Variants in DOT1L observed in about 807,000 individuals in gnomAD.
DOT1L encodes DOT1 like histone lysine methyltransferase.
A neutral mutation model predicts 153.3 loss-of-function variants in DOT1L; 33 were observed. The observed-to-expected ratio is 0.22, with a 90% CI of 0.16 to 0.29. The LOEUF (loss-of-function observed/expected upper bound fraction) is 0.29, where lower values mean the gene tolerates loss of function less well. Among genes scored for constraint, DOT1L ranks in the 10% least tolerant of loss-of-function variants. The pLI is 1.00. For missense variants in DOT1L, 1,847 were observed against 2,119.9 expected (o/e 0.87, Z 2.53); for synonymous variants, 1,135 against 965.1 (o/e 1.18, Z -3.26).
chr19:2,219,205 G>T (rs1459734912), intron 22 of DOT1L, among the ~76,000 whole-genome samples: 1 of 152,176 alleles, frequency 6.6e-6, no homozygotes, highest in Non-Finnish European at 1.5e-5. Context: ...TGGAGGTTTT[G>T]CCCTGTTGGC....
rs1163747184 is a variant in DOT1L at position 2,220,945 on chromosome 19, G to A, written c.2806+723G>A. ...AATCCCAGCACCTTGGGATGCCGAG[G>A]TGGGCGGATCACCTGAGGACAGGAG... On this transcript the variant is annotated intron_variant, in intron 23 of 27. Coordinates refer to ENST00000398665, the MANE Select transcript of DOT1L (RefSeq NM_032482.3). This position sits in a 1 kb window ranked among gnomAD's most constrained non-coding sequence, Gnocchi z 4.5. 12 of 224,852 alleles carry A rather than the reference G, an allele frequency of 5.3e-5. No homozygotes were observed. The South Asian group carries it at 6.8e-4, about 13-fold the overall frequency. 13.9% of individuals were successfully genotyped at this position (224,852 alleles called of 1,614,324 possible). A position where few individuals can be genotyped will look rare whatever the true frequency, so the allele number is the denominator to read the frequency against.
chr19:2,222,193 C>T lies in DOT1L; in HGVS notation c.3024C>T (p.Ser1008=), dbSNP rs370581078. 2.5e-5 allele frequency: 41 copies of T among 1,612,976 alleles called. No homozygotes were observed. Among genetic ancestry groups the T allele is most frequent in the Non-Finnish European group, 3.5e-5 (41 of 1,179,852 alleles). The change falls in exon 24 of 28, where the codon TCC becomes TCT. Residue 1008 remains serine, a synonymous_variant. Coordinates refer to ENST00000398665, the MANE Select transcript of DOT1L (RefSeq NM_032482.3). The surrounding 1 kb of genome is among the most constrained non-coding windows in gnomAD (Gnocchi z 6.5). ...CCTCTCCCGCCCACCAGCTCTCCTC[C>T]AGTCCCCGGCTTGGTGGGGCCGCCC... The part of the protein sequence containing the change: ...LPASPAHQLS[S]SPRLGGAAQG...
At chr19:2,167,093 C>A (rs963717220) in intron 1 of DOT1L, among the ~76,000 whole-genome samples, 1 of 152,166 alleles carries the variant, frequency 6.6e-6, no homozygotes, top group African/African-American at 2.4e-5. Context: ...GACGTGTTTG[C>A]CTGTGGGTCA....
chr19:2,211,518 G>T (rs913840780), intron 15 of DOT1L, among the ~76,000 whole-genome samples: 8 of 152,340 alleles, frequency 5.3e-5, no homozygotes, highest in African/African-American at 1.4e-4. Context: ...GGGCCTTGCA[G>T]TGCCCAGGAT....
chr19:2,199,763 C>G, intron 7 of DOT1L, 121 bp from the exon 8 acceptor site: 1 of 1,367,688 alleles, frequency 7.3e-7, no homozygotes, highest in Non-Finnish European at 1.0e-6. Flanking sequence ...GCCTGGGCCT[C>G]CTCCTGCTCC....
rs138614914 is a variant in DOT1L, at chr19:2,211,555, C to T, written c.1466-196C>T. Reference sequence around the variant, plus strand: ...GCCCCACGCGGTGAACACTTGGCTGCGCAGGGGTCAGAGGGCCTGAGTGCT... The same window carrying T: ...GCCCCACGCGGTGAACACTTGGCTGTGCAGGGGTCAGAGGGCCTGAGTGCT... On this transcript the variant is annotated intron_variant, in intron 15 of 27. Transcript: ENST00000398665. Among the ~76,000 whole-genome samples the T allele has an allele frequency of 8.7e-3, 1,326 of 152,270 alleles. 18 individuals carry two copies. Among genetic ancestry groups the T allele is most frequent in the Middle Eastern group, 0.024 (7 of 294 alleles).
chr19:2,215,163 T>G (rs1369575738), intron 19 of DOT1L, among the ~76,000 whole-genome samples: 2 of 151,924 alleles, frequency 1.3e-5, no homozygotes, highest in Non-Finnish European at 2.9e-5. Flanking sequence ...AGGGCCATAT[T>G]GAGGCAAAAA....
intron 27 of DOT1L, chr19:2,228,403 G>T (rs961929518): frequency 3.2e-6 from 4 of 1,257,262 alleles, no homozygotes; most frequent in Non-Finnish European, 4.1e-6. Flanking sequence ...AGCCCTGCGC[G>T]GTGGCTCACT....
intron 22 of DOT1L, among the ~76,000 whole-genome samples, chr19:2,218,262 C>G (rs930755621): frequency 6.6e-6 from 1 of 152,268 alleles, no homozygotes; most frequent in African/African-American, 2.4e-5. Flanking sequence ...TCTGGGTTCT[C>G]CCACCCAGCG....
chr19:2,213,476 C>T (rs1011952391), intron 16 of DOT1L, 63 bp from the exon 17 acceptor site: 23 of 1,543,442 alleles, frequency 1.5e-5, no homozygotes, highest in Non-Finnish European at 2.0e-5. Context: ...GGGCGTGGGC[C>T]CTCCCTGTGG....
chr19:2,208,712 C>T lies in DOT1L; in HGVS notation c.964-223C>T, dbSNP rs1163966990. Among the ~76,000 whole-genome samples the T allele has an allele frequency of 6.6e-6, 1 of 152,200 alleles. No individual in the cohort carries two copies. Among genetic ancestry groups the T allele is most frequent in the Non-Finnish European group, 1.5e-5 (1 of 68,036 alleles). On this transcript the variant is annotated intron_variant, in intron 11 of 27. Coordinates refer to ENST00000398665, the MANE Select transcript of DOT1L (RefSeq NM_032482.3). The surrounding 1 kb of genome is among the most constrained non-coding windows in gnomAD (Gnocchi z 4.4). ...TCTGAAGGCTTAAACCAGCCCCGCC[C>T]ACCCGTCGCGTGCTGGTGAATTGAG...
intron 5 of DOT1L, among the ~76,000 whole-genome samples, chr19:2,192,406 G>A (rs1220078868): frequency 2.0e-5 from 3 of 152,284 alleles, no homozygotes; most frequent in East Asian, 1.9e-4. Context: ...GGTGGCTCAC[G>A]CCTGTAATCC....
At chr19:2,170,051 T>G (rs2020068093) in intron 1 of DOT1L, among the ~76,000 whole-genome samples, 1 of 152,046 alleles carries the variant, frequency 6.6e-6, no homozygotes, top group African/African-American at 2.4e-5. Context: ...GGAGAATTGC[T>G]TGAACCCGAG....
chr19:2,227,602 C>T (rs1015960319), intron 27 of DOT1L: 27 of 1,029,158 alleles, frequency 2.6e-5, no homozygotes, highest in African/African-American at 1.6e-4. Flanking sequence ...CTGGCCGAGC[C>T]GCTGCTTGTG....
chr19:2,210,816 G>A lies in DOT1L; in HGVS notation c.1312G>A (p.Ala438Thr), dbSNP rs200004531. 4.4e-5 allele frequency: 71 copies of A among 1,612,808 alleles called. 1 individual carries two copies. Among genetic ancestry groups the A allele is most frequent in the East Asian group, 3.8e-4 (17 of 44,852 alleles). The part of the protein sequence containing the change: ...KNQTALDALH[A>T]QTVSQTAASS... ...CCAAACTGCACTGGATGCCCTGCAC[G>A]CTCAGACCGTGTCTCAGACGGCGGC... The change falls in exon 14 of 28, where the codon GCT (alanine) becomes ACT (threonine). Residue 438 changes from alanine to threonine, a missense_variant. Ala to Thr is a moderately conservative substitution (Grantham distance 58). Around this residue, in one of 8 missense-constraint regions of DOT1L, gnomAD observed 205 missense variants for 203.1 expected, o/e 1.01. Transcript: ENST00000398665.
In DOT1L at chr19:2,213,782, C is replaced by T. The variant is rs182386293; in HGVS notation, c.1660-67C>T. On this transcript the variant is annotated intron_variant, in intron 17 of 27. Transcript: ENST00000398665. ...CCAGGGGCTGGGCTGCAGGGGTGGT[C>T]ATGCCTGGGGGCTTACTTCACCTTG... is the stretch of plus-strand genomic sequence containing the variant. 5.0e-6 allele frequency: 8 copies of T among 1,607,196 alleles called. No homozygotes were observed. The Admixed American group carries it at 5.0e-5, about 10-fold the overall frequency.
chr19:2,202,617 A>G (rs2023337339), intron 8 of DOT1L, 83 bp from the exon 9 acceptor site: 1 of 1,396,438 alleles, frequency 7.2e-7, no homozygotes. Flanking sequence ...CCTAGCACCG[A>G]CAGCAGCGGT....
At position 2,230,335 on chromosome 19, in the gene DOT1L, G is replaced by A. The variant is rs1309840413; in HGVS notation, c.*543G>A. On this transcript the variant is annotated 3_prime_UTR_variant, in exon 28 of 28. Transcript: ENST00000398665. Reference sequence around the variant, plus strand: ...TTCCTCGGAGGCCTCCCCGCGGCCTGAGCCCCTTCCTGAGCGCCCTGGCGC... The same window carrying A: ...TTCCTCGGAGGCCTCCCCGCGGCCTAAGCCCCTTCCTGAGCGCCCTGGCGC... The A allele has an allele frequency of 4.8e-6, 2 of 415,096 alleles. No homozygotes were observed. Among genetic ancestry groups the A allele is most frequent in the Non-Finnish European group, 8.5e-6 (2 of 236,606 alleles). The allele number at this position is 415,096 out of a possible 1,614,324, so 25.7% of individuals were successfully genotyped here.
At chr19:2,171,835 G>T (rs971042719) in intron 1 of DOT1L, among the ~76,000 whole-genome samples, 1 of 152,210 alleles carries the variant, frequency 6.6e-6, no homozygotes, top group African/African-American at 2.4e-5. Context: ...GCGGGCTGCA[G>T]CTCTGGAGAC....
Sources: allele counts gnomAD v4.1 joint callset (sites outside exome capture counted in the v4.1 genomes callset), GRCh38; gene constraint gnomAD v4.1.1; regional missense constraint gnomAD v4.1.1; non-coding constraint Gnocchi (gnomAD v3.1); transcripts MANE v1.5; gene names NCBI Gene and HGNC (gene_info 2026-07-23, HGNC 2026-07-21).